BAZ1B: variants seen among roughly 807,000 people sequenced by gnomAD.
The protein encoded by BAZ1B is bromodomain adjacent to zinc finger domain 1B, also known as tyrosine-protein kinase BAZ1B.
In BAZ1B, 22 loss-of-function variants were observed where a neutral mutation model predicts 153.8. The ratio of observed to expected loss-of-function variants is 0.14; its 90% CI spans 0.10 to 0.20. BAZ1B has a LOEUF of 0.20. Among genes scored for constraint, BAZ1B ranks in the 10% least tolerant of loss-of-function variants. The probability of loss-of-function intolerance (pLI) is 1.00; values close to 1 mark genes in which losing one functional copy is unlikely to be tolerated. For missense variants in BAZ1B, 1,325 were observed against 1,799.3 expected (o/e 0.74, Z 4.77); for synonymous variants, 676 against 633.4 (o/e 1.07, Z -1.01).
At chr7:73,475,498 T>G (rs186380687) in intron 7 of BAZ1B, among the ~76,000 whole-genome samples, 161 of 152,364 alleles carry the variant, frequency 1.1e-3, no homozygotes, top group African/African-American at 3.8e-3. Flanking sequence ...TGATTGCATT[T>G]ACATGAAATA....
At chr7:73,494,382 C>G (rs538332677) in intron 4 of BAZ1B, among the ~76,000 whole-genome samples, 22 of 151,944 alleles carry the variant, frequency 1.4e-4, no homozygotes, top group Non-Finnish European at 2.4e-4. Flanking sequence ...GACTCTGTCT[C>G]AAAAAGAAGA....
intron 5 of BAZ1B, among the ~76,000 whole-genome samples, chr7:73,491,494 G>A (rs1789641983): frequency 6.6e-6 from 1 of 152,058 alleles, no homozygotes; most frequent in Non-Finnish European, 1.5e-5. Context: ...AGCTACTTGG[G>A]AGGCTGAGGC....
chr7:73,465,583 ATT>A, intron 10 of BAZ1B, 46 bp from the exon 11 acceptor site: 1 of 1,291,106 alleles, frequency 7.7e-7, no homozygotes, highest in Non-Finnish European at 1.1e-6. Context: ...AAAAAAAAAA[ATT>A]CAAAATCAAA....
chr7:73,482,669 T>C (rs1789246529), intron 6 of BAZ1B, among the ~76,000 whole-genome samples: 1 of 152,224 alleles, frequency 6.6e-6, no homozygotes, highest in Non-Finnish European at 1.5e-5. Flanking sequence ...TTCTTTAAAC[T>C]TCTTCCACTT....
intron 3 of BAZ1B, among the ~76,000 whole-genome samples, chr7:73,502,451 G>A (rs1790171885): frequency 6.6e-6 from 1 of 151,676 alleles, no homozygotes; most frequent in African/African-American, 2.4e-5. Flanking sequence ...AACATTAATA[G>A]TGGCCAGACC....
chr7:73,516,328 C>T (rs1437434971), intron 1 of BAZ1B, among the ~76,000 whole-genome samples: 1 of 151,890 alleles, frequency 6.6e-6, no homozygotes, highest in Non-Finnish European at 1.5e-5. Flanking sequence ...TTTCTTTTTT[C>T]CCACCATTTT....
chr7:73,489,361 T>C lies in BAZ1B; in HGVS notation c.724A>G (p.Ile242Val), dbSNP rs782522900. 6.2e-7 allele frequency: 1 copy of C among 1,614,148 alleles called. No individual in the cohort carries two copies. The highest frequency in any genetic ancestry group is 1.1e-5 in the South Asian group (1 of 91,084). ...IISNVPADSL[I>V]RTERPPNKEI... is the part of the protein sequence containing the mutation. ...TTATTTGGTGGGCGCTCTGTACGAA[T>C]CAAGCTGTCTGCTGGCACGTTACTG... Residue 242 changes from isoleucine (I) to valine (V), a missense_variant, in exon 6 of 20, where the codon ATT (isoleucine) becomes GTT (valine). This residue lies in a region of BAZ1B where 153 missense variants were observed against 204.8 expected (regional missense o/e 0.75). Coordinates refer to ENST00000339594, the MANE Select transcript of BAZ1B (RefSeq NM_032408.4).
At chr7:73,502,171 G>A (rs548863128) in intron 3 of BAZ1B, among the ~76,000 whole-genome samples, 8 of 152,150 alleles carry the variant, frequency 5.3e-5, no homozygotes, top group African/African-American at 1.9e-4. Flanking sequence ...TTACAGGTGT[G>A]AGCCACCGCA....
chr7:73,447,606 A>C (rs990066720), intron 15 of BAZ1B, among the ~76,000 whole-genome samples: 4 of 152,228 alleles, frequency 2.6e-5, no homozygotes, highest in African/African-American at 9.6e-5. Context: ...GGCCACAGAC[A>C]GTTTGGACAA....
Position 73,489,954 on chromosome 7 carries a change from T to C in BAZ1B, c.694-563A>G, listed in dbSNP as rs1789570453. 2.6e-5 allele frequency among the ~76,000 whole-genome samples: 4 copies of C among 152,256 alleles called. No individual in the cohort carries two copies. The South Asian group carries it at 8.3e-4, about 31-fold the overall frequency. On this transcript the variant is annotated intron_variant, in intron 5 of 19. Transcript: ENST00000339594. Reference sequence around the variant, plus strand: ...CTTAGGAAGTAAATGGACAAAGTTGTCATCAAATGCTTGTAATAGCAAAAA... The same window carrying C: ...CTTAGGAAGTAAATGGACAAAGTTGCCATCAAATGCTTGTAATAGCAAAAA...
intron 6 of BAZ1B, among the ~76,000 whole-genome samples, chr7:73,483,819 A>G (rs1281974636): frequency 6.6e-6 from 1 of 152,024 alleles, no homozygotes; most frequent in Admixed American, 6.6e-5. Context: ...TTTTTTGTGT[A>G]TGTAGAAACA....
intron 7 of BAZ1B, among the ~76,000 whole-genome samples, chr7:73,475,344 G>A (rs1353887466): frequency 6.6e-6 from 1 of 152,156 alleles, no homozygotes; most frequent in African/African-American, 2.4e-5. Flanking sequence ...AGTGATGAAT[G>A]AGAAACAAAA....
intron 7 of BAZ1B, among the ~76,000 whole-genome samples, chr7:73,472,601 G>A (rs1187837070): frequency 6.6e-6 from 1 of 151,848 alleles, no homozygotes; most frequent in Non-Finnish European, 1.5e-5. Flanking sequence ...TTTTGAGACG[G>A]AGTCTCACCC....
chr7:73,472,561 AG>A (rs1279870944), intron 7 of BAZ1B, among the ~76,000 whole-genome samples: 3 of 152,092 alleles, frequency 2.0e-5, no homozygotes, highest in African/African-American at 7.2e-5. Flanking sequence ...GCCCGGCCGC[AG>A]TTATACTTTC....
intron 8 of BAZ1B, 109 bp from the exon 9 acceptor site, chr7:73,469,759 GT>G: frequency 7.7e-7 from 1 of 1,296,318 alleles, no homozygotes; most frequent in Non-Finnish European, 1.1e-6. Context: ...CAAAACCACA[GT>G]TTACAGAATT....
chr7:73,517,792 T>C (rs546757506), intron 1 of BAZ1B, among the ~76,000 whole-genome samples: 2 of 152,356 alleles, frequency 1.3e-5, no homozygotes, highest in East Asian at 3.9e-4. Context: ...TATCTCATTA[T>C]GTATCTACTT....
At chr7:73,506,327 T>TA (rs1790339865) in intron 3 of BAZ1B, among the ~76,000 whole-genome samples, 2 of 151,524 alleles carry the variant, frequency 1.3e-5, no homozygotes, top group African/African-American at 4.9e-5. Context: ...TGAAACCCCG[T>TA]CTCTATTAAA....
chr7:73,516,708 G>C (rs1362073248), intron 1 of BAZ1B, among the ~76,000 whole-genome samples: 2 of 147,120 alleles, frequency 1.4e-5, no homozygotes, highest in Non-Finnish European at 3.0e-5. Context: ...TTGGGAGGCG[G>C]AGGTTGCAGT....
At chr7:73,471,798 C>T (rs939858114) in intron 7 of BAZ1B, among the ~76,000 whole-genome samples, 1 of 151,502 alleles carries the variant, frequency 6.6e-6, no homozygotes, top group Admixed American at 6.6e-5. Context: ...CTTTGATAAA[C>T]AGTTTTCTAG....
Sources: allele counts gnomAD v4.1 joint callset (sites outside exome capture counted in the v4.1 genomes callset), GRCh38; gene constraint gnomAD v4.1.1; regional missense constraint gnomAD v4.1.1; transcripts MANE v1.5; gene names NCBI Gene and HGNC (gene_info 2026-07-23, HGNC 2026-07-21).